Variants in E2F3 observed in about 807,000 individuals in gnomAD.
The protein encoded by E2F3 is transcription factor E2F3.
A neutral mutation model predicts 44.4 loss-of-function variants in E2F3; 11 were observed. The observed-to-expected ratio is 0.25, with a 90% CI of 0.16 to 0.41. The LOEUF (loss-of-function observed/expected upper bound fraction) is 0.41. Ranked by LOEUF, E2F3 falls within the 10% of genes least tolerant of loss-of-function variation. The pLI, the probability that E2F3 is intolerant of heterozygous loss-of-function variation, is 1.00. For synonymous variants in E2F3, 249 were observed against 253.0 expected, an observed-to-expected ratio of 0.98 and a Z score of 0.15; for missense variants, 487 against 583.6, an observed-to-expected ratio of 0.83 and a Z score of 1.70.
At chr6:20,436,839 G>A (rs1382469059) in intron 1 of E2F3, among the ~76,000 whole-genome samples, 2 of 152,132 alleles carry the variant, frequency 1.3e-5, no homozygotes, top group Admixed American at 6.5e-5. Flanking sequence ...AAAACATCAG[G>A]CCAGGTGCAG....
At position 20,402,265 on chromosome 6, in the gene E2F3, G is replaced by A. The variant is rs2127581160; in HGVS notation, c.33G>A (p.Gln11=). MRKGIQPALE[Q]YLVTAGGGEG... ...AGGGAATCCAGCCCGCTCTGGAGCA[G>A]TACCTGGTGACCGCCGGGGGTGGGG... The change falls in exon 1 of 7, where the codon CAG becomes CAA. Residue 11 remains glutamine (Q), a synonymous_variant. Transcript: ENST00000346618. The surrounding 1 kb of genome is among the most constrained non-coding windows in gnomAD (Gnocchi z 5.6). 1 of 1,607,594 alleles carries A rather than the reference G, an allele frequency of 6.2e-7. No individual in the cohort carries two copies. Among genetic ancestry groups the A allele is most frequent in the Middle Eastern group, 1.7e-4 (1 of 5,900 alleles).
rs535204793 is a variant in E2F3 at position 20,493,226 on chromosome 6, G to C, written c.*2796G>C. The C allele has an allele frequency of 6.2e-5, 14 of 226,688 alleles. No homozygotes were observed. The highest frequency in any genetic ancestry group is 1.1e-4 in the Non-Finnish European group (12 of 113,688). 14.0% of individuals were successfully genotyped at this position (226,688 alleles called of 1,614,324 possible). ...AGTGTTATTTTGTTTTTGTTTTTCT[G>C]TTCTTTGTTGTGGCTCTTGTTTTCA... On this transcript the variant is annotated 3_prime_UTR_variant, in exon 7 of 7. Transcript: ENST00000346618.
intron 1 of E2F3, chr6:20,445,151 G>C: frequency 1.0e-6 from 1 of 985,302 alleles, no homozygotes; most frequent in Non-Finnish European, 1.2e-6. Context: ...CCTAGTGGCA[G>C]CAGCGCCTTG....
At chr6:20,424,064 A>G (rs187725030) in intron 1 of E2F3, among the ~76,000 whole-genome samples, 177 of 152,322 alleles carry the variant, frequency 1.2e-3, no homozygotes, top group African/African-American at 4.1e-3. Flanking sequence ...GCCACTGCAC[A>G]CAGCCGAAAT....
chr6:20,402,501 G>A lies in E2F3; in HGVS notation c.269G>A (p.Gly90Asp). The change falls in exon 1 of 7, where the codon GGC becomes GAC. Residue 90 changes from glycine (G) to aspartate (D), a missense_variant. By Grantham distance (94) the Gly-to-Asp change is moderately conservative (BLOSUM62 -1). This residue lies in a region of E2F3 where 238 missense variants were observed against 236.0 expected (regional missense o/e 1.01). Transcript: ENST00000346618. The surrounding 1 kb of genome is among the most constrained non-coding windows in gnomAD (Gnocchi z 5.6). ...AAGPLLPSAP[G>D]AEQTAGSLLY... ...GGCCCCCTCCTCCCCAGTGCCCCCG[G>A]CGCGGAGCAGACCGCCGGCAGCCTC... The A allele has an allele frequency of 6.2e-7, 1 of 1,605,022 alleles. No individual in the cohort carries two copies. Among genetic ancestry groups the A allele is most frequent in the Non-Finnish European group, 8.5e-7 (1 of 1,178,924 alleles).
At chr6:20,408,909 T>A (rs936777976) in intron 1 of E2F3, among the ~76,000 whole-genome samples, 10 of 152,228 alleles carry the variant, frequency 6.6e-5, no homozygotes, top group African/African-American at 2.2e-4. Context: ...TGGGCAATAG[T>A]TGGCATTTAC....
At chr6:20,455,194 C>A (rs1220394679) in intron 1 of E2F3, among the ~76,000 whole-genome samples, 1 of 152,146 alleles carries the variant, frequency 6.6e-6, no homozygotes, top group Admixed American at 6.5e-5. Flanking sequence ...AAATCAACTC[C>A]TTTTTGGATG....
chr6:20,411,008 C>A (rs1447858814), intron 1 of E2F3, among the ~76,000 whole-genome samples: 3 of 152,134 alleles, frequency 2.0e-5, no homozygotes, highest in African/African-American at 7.2e-5. Flanking sequence ...GAGAAGTAAA[C>A]CGTGGAATGG....
intron 1 of E2F3, among the ~76,000 whole-genome samples, chr6:20,414,484 A>G (rs527453237): frequency 6.6e-6 from 1 of 152,162 alleles, no homozygotes; most frequent in Non-Finnish European, 1.5e-5. Context: ...TAAAAAAAAA[A>G]AATCTTGAAT....
chr6:20,477,898 G>A (rs1174292042), intron 1 of E2F3, among the ~76,000 whole-genome samples: 1 of 152,066 alleles, frequency 6.6e-6, no homozygotes, highest in East Asian at 1.9e-4. Flanking sequence ...ACATATAGGT[G>A]GACACACTCA....
intron 1 of E2F3, among the ~76,000 whole-genome samples, chr6:20,467,075 T>A (rs1193045161): frequency 1.3e-5 from 2 of 152,142 alleles, no homozygotes; most frequent in African/African-American, 2.4e-5. Context: ...CCCTTCATCA[T>A]TCTCTTGTTA....
intron 1 of E2F3, among the ~76,000 whole-genome samples, chr6:20,409,823 A>T (rs113138266): frequency 3.9e-5 from 6 of 152,274 alleles, no homozygotes; most frequent in African/African-American, 1.4e-4. Context: ...TAGTGCACTG[A>T]CTCGTTAGGG....
chr6:20,487,797 A>G (rs545172794), intron 5 of E2F3, among the ~76,000 whole-genome samples: 1 of 152,338 alleles, frequency 6.6e-6, no homozygotes, highest in South Asian at 2.1e-4. Flanking sequence ...GCCTGTGTCT[A>G]GACTATTCAA....
rs1347450647 is a variant in E2F3 at position 20,432,866 on chromosome 6, G to A, written c.393+30241G>A. On this transcript the variant is annotated intron_variant, in intron 1 of 6. Transcript: ENST00000346618. Reference sequence around the variant, plus strand: ...GCACCAAGCTGCTTCCTGCCTCAGGGCCTTTGCACTTGCTGTCCCATCTGC... The same window carrying A: ...GCACCAAGCTGCTTCCTGCCTCAGGACCTTTGCACTTGCTGTCCCATCTGC... Among the ~76,000 whole-genome samples the A allele has an allele frequency of 3.9e-5, 6 of 152,176 alleles. No homozygotes were observed. The East Asian group carries it at 1.2e-3, about 29-fold the overall frequency.
At chr6:20,412,939 C>G (rs756613845) in intron 1 of E2F3, among the ~76,000 whole-genome samples, 9 of 152,306 alleles carry the variant, frequency 5.9e-5, no homozygotes, top group Middle Eastern at 3.4e-3. Context: ...ATCGAGGGCA[C>G]TAAACTAAGT....
Position 20,402,457 on chromosome 6 carries a change from A to G in E2F3, c.225A>G (p.Gln75=). ...TSTTSCSSSL[Q]SGAVAAGPLL... ...CCACCTCCTGTTCCTCCTCCCTCCAAAGCGGCGCCGTAGCCGCCGGCCCCC... is the reference window on the plus strand; with the variant it reads ...CCACCTCCTGTTCCTCCTCCCTCCAGAGCGGCGCCGTAGCCGCCGGCCCCC... Residue 75 remains glutamine, a synonymous_variant, in exon 1 of 7, where the codon CAA becomes CAG. Coordinates refer to ENST00000346618, the MANE Select transcript of E2F3 (RefSeq NM_001949.5). The surrounding 1 kb of genome is among the most constrained non-coding windows in gnomAD (Gnocchi z 5.6). 1 of 1,609,110 alleles carries G rather than the reference A, an allele frequency of 6.2e-7. No individual in the cohort carries two copies. Among genetic ancestry groups the G allele is most frequent in the Non-Finnish European group, 8.5e-7 (1 of 1,178,918 alleles).
At chr6:20,480,736 C>T (rs1581653045) in intron 2 of E2F3, among the ~76,000 whole-genome samples, 4 of 152,172 alleles carry the variant, frequency 2.6e-5, no homozygotes. Context: ...GATACACGCA[C>T]ACACAGATAC....
intron 1 of E2F3, among the ~76,000 whole-genome samples, chr6:20,448,354 T>A (rs1190394418): frequency 3.3e-5 from 5 of 152,226 alleles, no homozygotes; most frequent in Non-Finnish European, 5.9e-5. Flanking sequence ...AGAAATTGGC[T>A]GACTTGTTTT....
intron 1 of E2F3, among the ~76,000 whole-genome samples, chr6:20,477,355 A>C (rs1241024161): frequency 6.6e-6 from 1 of 152,192 alleles, no homozygotes; most frequent in African/African-American, 2.4e-5. Flanking sequence ...TATTCTTACA[A>C]TGAAGTTAGA....
Sources: allele counts gnomAD v4.1 joint callset (sites outside exome capture counted in the v4.1 genomes callset), GRCh38; gene constraint gnomAD v4.1.1; regional missense constraint gnomAD v4.1.1; non-coding constraint Gnocchi (gnomAD v3.1); transcripts MANE v1.5; gene names NCBI Gene and HGNC (gene_info 2026-07-23, HGNC 2026-07-21).